The following CCAR1 variants were observed in gnomAD, a reference collection of about 807,000 sequenced individuals.
CCAR1 encodes cell division cycle and apoptosis regulator protein 1.
A neutral mutation model predicts 163.8 loss-of-function variants in CCAR1; 78 were observed. That is an observed-to-expected ratio of 0.48 (90% CI 0.40 to 0.57). CCAR1 has a LOEUF of 0.57. Among genes scored for constraint, CCAR1 ranks in the 20% least tolerant of loss-of-function variants. The probability of loss-of-function intolerance (pLI) is 0.00; values close to 1 mark genes in which losing one functional copy is unlikely to be tolerated. For synonymous variants in CCAR1, 443 were observed against 460.7 expected (o/e 0.96, Z 0.49); for missense variants, 1,019 against 1,365.2 (o/e 0.75, Z 4.00).
chr10:68,725,641 T>G (rs975958718), intron 2 of CCAR1, among the ~76,000 whole-genome samples: 1 of 152,144 alleles, frequency 6.6e-6, no homozygotes, highest in African/African-American at 2.4e-5. Flanking sequence ...GAATGAGATT[T>G]TGATTGTCTT....
intron 17 of CCAR1, among the ~76,000 whole-genome samples, chr10:68,768,734 C>T (rs12251812): frequency 0.04 from 6,147 of 152,120 alleles, 410 homozygotes; most frequent in African/African-American, 0.14. Flanking sequence ...CTTTGAGGGG[C>T]TGAGGTGGGA....
chr10:68,752,034 A>C (rs1324781670), intron 10 of CCAR1, among the ~76,000 whole-genome samples: 1 of 146,968 alleles, frequency 6.8e-6, no homozygotes, highest in African/African-American at 2.5e-5. Context: ...CTCCTGCCTC[A>C]GCCTCCCGAG....
At position 68,766,082 on chromosome 10, in the gene CCAR1, A is replaced by G; in HGVS notation, c.2298+3A>G. 6.3e-7 allele frequency: 1 copy of G among 1,585,702 alleles called. No homozygotes were observed. The highest frequency in any genetic ancestry group is 1.3e-5 in the African/African-American group (1 of 74,456). On this transcript the variant is annotated splice_donor_region_variant and intron_variant, in intron 17 of 24. Coordinates refer to ENST00000265872, the MANE Select transcript of CCAR1 (RefSeq NM_018237.4). ...ATAATAAAGAACATTCATTTGAGGT[A>G]ATGTTTTAAGTTTGAAATAAGATCC...
chr10:68,736,898 A>G lies in CCAR1; in HGVS notation c.96A>G (p.Pro32=). The change falls in exon 3 of 25, where the codon CCA becomes CCG. Residue 32 remains proline, a synonymous_variant. Transcript: ENST00000265872. ...SQPAALGVQQ[P]SLLGASPTIY... is the part of the protein sequence containing the mutation. ...TAGCTGCACTGGGTGTTCAACAGCC[A>G]TCACTCCTTGGAGCATCTCCTACCA... 4 of 1,612,338 alleles carry G rather than the reference A, an allele frequency of 2.5e-6. No individual in the cohort carries two copies. The highest frequency in any genetic ancestry group is 1.7e-6 in the Non-Finnish European group (2 of 1,179,356).
At chr10:68,782,305 A>G (rs1329399321) in intron 19 of CCAR1, among the ~76,000 whole-genome samples, 1 of 152,066 alleles carries the variant, frequency 6.6e-6, no homozygotes, top group East Asian at 1.9e-4. Flanking sequence ...AGTACAAGGT[A>G]GTTGCTGAGG....
At chr10:68,789,214 T>A (rs1013305306) in intron 23 of CCAR1, among the ~76,000 whole-genome samples, 1 of 151,868 alleles carries the variant, frequency 6.6e-6, no homozygotes, top group Admixed American at 6.6e-5. Flanking sequence ...TGGCCTCCAC[T>A]TAGTTTTTAC....
intron 19 of CCAR1, among the ~76,000 whole-genome samples, chr10:68,780,223 C>CAG (rs529182371): frequency 1.4e-4 from 21 of 152,186 alleles, no homozygotes; most frequent in African/African-American, 4.6e-4. Flanking sequence ...TTTTTCAAGA[C>CAG]AGTCTTATTC....
intron 10 of CCAR1, among the ~76,000 whole-genome samples, chr10:68,753,024 GTATTTATTTT>G (rs942507910): frequency 5.3e-5 from 8 of 151,348 alleles, no homozygotes; most frequent in African/African-American, 1.7e-4. Context: ...TTATTACTCT[GTATTTATTTT>G]TATACTTCAA....
In CCAR1 at chr10:68,726,130, A is replaced by G. The variant is rs558399938; in HGVS notation, c.73+3553A>G. On this transcript the variant is annotated intron_variant, in intron 2 of 24. Transcript: ENST00000265872. ...CCCTGTCCTAAAAAAAAAAAAAAAAAAAAGAAATGGGTACTTCAGGGTTTT... is the reference window on the plus strand; with the variant it reads ...CCCTGTCCTAAAAAAAAAAAAAAAAGAAAGAAATGGGTACTTCAGGGTTTT... 3.0e-3 allele frequency among the ~76,000 whole-genome samples: 445 copies of G among 147,286 alleles called. 1 individual carries two copies. Among genetic ancestry groups the G allele is most frequent in the African/African-American group, 9.9e-3 (400 of 40,244 alleles).
intron 3 of CCAR1, among the ~76,000 whole-genome samples, chr10:68,737,364 T>C (rs1402014231): frequency 6.6e-6 from 1 of 151,842 alleles, no homozygotes; most frequent in Non-Finnish European, 1.5e-5. Context: ...TTAGCCAGCA[T>C]AGTGAAGGAT....
intron 19 of CCAR1, 105 bp from the exon 20 acceptor site, chr10:68,786,031 C>A: frequency 1.4e-6 from 1 of 717,090 alleles, no homozygotes. Context: ...CACCCTCGAA[C>A]GCCTGGCCCT....
intron 8 of CCAR1, among the ~76,000 whole-genome samples, chr10:68,748,527 C>T (rs1398147351): frequency 3.7e-5 from 5 of 134,166 alleles, no homozygotes; most frequent in South Asian, 2.3e-4. Flanking sequence ...TTCTCTCTAT[C>T]GCCAAGGCTA....
chr10:68,760,822 C>A, intron 15 of CCAR1, 185 bp from the exon 16 acceptor site: 1 of 393,090 alleles, frequency 2.5e-6, no homozygotes, highest in Non-Finnish European at 4.6e-6. Context: ...CGAGATCACG[C>A]CACTGCACTC....
intron 2 of CCAR1, among the ~76,000 whole-genome samples, chr10:68,730,337 A>G (rs1276647084): frequency 1.3e-5 from 2 of 149,496 alleles, no homozygotes; most frequent in East Asian, 4.0e-4. Flanking sequence ...ATATATATAT[A>G]TATATATATT....
intron 19 of CCAR1, among the ~76,000 whole-genome samples, chr10:68,783,956 C>T (rs1430591007): frequency 1.3e-5 from 2 of 151,764 alleles, no homozygotes; most frequent in African/African-American, 4.8e-5. Context: ...GACGGGGTTT[C>T]ACCATGTTAG....
chr10:68,764,693 T>C (rs1245767932), intron 16 of CCAR1, among the ~76,000 whole-genome samples: 1 of 152,226 alleles, frequency 6.6e-6, no homozygotes, highest in East Asian at 1.9e-4. Flanking sequence ...GAAGAATTGC[T>C]ACAGATAGGG....
intron 10 of CCAR1, among the ~76,000 whole-genome samples, chr10:68,751,846 A>T (rs901930326): frequency 6.6e-6 from 1 of 151,292 alleles, no homozygotes; most frequent in African/African-American, 2.4e-5. Context: ...CCTGGGAGAC[A>T]GAGGGAGACT....
chr10:68,775,497 C>CTTTTTTTTT (rs58856212), intron 19 of CCAR1, among the ~76,000 whole-genome samples: 7 of 117,980 alleles, frequency 5.9e-5, no homozygotes, highest in African/African-American at 1.2e-4. Flanking sequence ...GCCTCATTTT[C>CTTTTTTTTT]TTTTTTTTTT....
chr10:68,750,685 A>G (rs372370468), intron 10 of CCAR1, among the ~76,000 whole-genome samples: 13 of 152,208 alleles, frequency 8.5e-5, no homozygotes, highest in African/African-American at 3.1e-4. Context: ...AACTTAGGTA[A>G]TAGATTAATA....
Sources: allele counts gnomAD v4.1 joint callset (sites outside exome capture counted in the v4.1 genomes callset), GRCh38; gene constraint gnomAD v4.1.1; transcripts MANE v1.5; gene names NCBI Gene and HGNC (gene_info 2026-07-23, HGNC 2026-07-21).